EBF2: variants seen among roughly 807,000 people sequenced by gnomAD.
The protein encoded by EBF2 is transcription factor COE2.
A neutral mutation model predicts 72.8 loss-of-function variants in EBF2; 21 were observed. That is an observed-to-expected ratio of 0.29 (90% CI 0.20 to 0.42). The LOEUF (loss-of-function observed/expected upper bound fraction) is 0.42, where lower values mean the gene tolerates loss of function less well. EBF2 is among the 10% of genes least tolerant of loss of function. EBF2 has a pLI of 1.00. For synonymous variants in EBF2, 299 were observed against 274.2 expected, an observed-to-expected ratio of 1.09 and a Z score of -0.89; for missense variants, 637 against 731.2, an observed-to-expected ratio of 0.87 and a Z score of 1.49.
chr8:25,950,498 C>A (rs1393292775), intron 6 of EBF2, among the ~76,000 whole-genome samples: 4 of 152,214 alleles, frequency 2.6e-5, no homozygotes, highest in Non-Finnish European at 5.9e-5. Flanking sequence ...GAGGCAGATA[C>A]CCAGGCCGCC....
Position 25,886,964 on chromosome 8 carries a change from A to G in EBF2, c.883-83T>C, listed in dbSNP as rs542514301. ...CATAAGGTGTACAACATCTCCCACT[A>G]TTGCTCCCCAGGGGCTTCTTTCTCT... On this transcript the variant is annotated intron_variant, in intron 9 of 15. Transcript: ENST00000520164. The G allele has an allele frequency of 4.1e-4, 599 of 1,470,256 alleles. 2 individuals carry two copies. In the African/African-American group the frequency reaches 7.8e-3, roughly 19 times the overall value. 91.1% of individuals were successfully genotyped at this position (1,470,256 alleles called of 1,614,324 possible). A position where few individuals can be genotyped will look rare whatever the true frequency, so the allele number is the denominator to read the frequency against.
intron 7 of EBF2, among the ~76,000 whole-genome samples, chr8:25,892,696 C>T (rs1204814479): frequency 6.6e-6 from 1 of 152,156 alleles, no homozygotes; most frequent in Non-Finnish European, 1.5e-5. Flanking sequence ...ACATCTTGAA[C>T]ATGGTGGTAA....
rs976899336 is a variant in EBF2, at chr8:25,920,849, T to C, written c.552-12294A>G. 1.2e-4 allele frequency among the ~76,000 whole-genome samples: 18 copies of C among 152,084 alleles called. 1 individual carries two copies. The highest frequency in any genetic ancestry group is 1.0e-3 in the Admixed American group (16 of 15,264). On this transcript the variant is annotated intron_variant, in intron 6 of 15. Transcript: ENST00000520164. The stretch of plus-strand genomic sequence containing the variant: ...TGCCTCCTCCTTTCTCACCTATCTT[T>C]GCTCTCTCCCAAGTTTCCAAATTCT...
chr8:25,900,254 G>A (rs561533854), intron 7 of EBF2, among the ~76,000 whole-genome samples: 9 of 152,234 alleles, frequency 5.9e-5, no homozygotes, highest in South Asian at 4.1e-4. Flanking sequence ...CCAGGGGTTC[G>A]AGACCAGCCT....
chr8:25,910,802 G>A (rs1470132170), intron 6 of EBF2, among the ~76,000 whole-genome samples: 1 of 152,098 alleles, frequency 6.6e-6, no homozygotes, highest in African/African-American at 2.4e-5. Context: ...AGGAGAAGGG[G>A]AGGTTAAGTG....
At position 25,844,570 on chromosome 8, in the gene EBF2, AGAGT is replaced by A; in HGVS notation, c.*35_*38del. On this transcript the variant is annotated 3_prime_UTR_variant, in exon 16 of 16. Transcript: ENST00000520164. ...GTGCTTTCTTCATTATTGGTCCATC[AGAGT>A]AAGTAGTTTTGTGCTATAAGAAAGC... 1 of 1,612,136 alleles carries A rather than the reference AGAGT, an allele frequency of 6.2e-7. No individual in the cohort carries two copies. Among genetic ancestry groups the A allele is most frequent in the Non-Finnish European group, 8.5e-7 (1 of 1,178,238 alleles).
intron 7 of EBF2, among the ~76,000 whole-genome samples, chr8:25,906,477 G>C (rs1803034086): frequency 6.6e-6 from 1 of 152,082 alleles, no homozygotes; most frequent in South Asian, 2.1e-4. Flanking sequence ...CTTCATACAA[G>C]AAAGTAGGCC....
At chr8:25,968,276 G>A (rs1300357927) in intron 6 of EBF2, among the ~76,000 whole-genome samples, 1 of 152,104 alleles carries the variant, frequency 6.6e-6, no homozygotes, top group South Asian at 2.1e-4. Flanking sequence ...AATGGTAGAA[G>A]CAACCTGAAG....
At chr8:25,961,575 C>T (rs112926195) in intron 6 of EBF2, among the ~76,000 whole-genome samples, 4 of 152,290 alleles carry the variant, frequency 2.6e-5, no homozygotes, top group Non-Finnish European at 5.9e-5. Flanking sequence ...CTTGGCCAGG[C>T]TGGTCTTGAA....
intron 6 of EBF2, among the ~76,000 whole-genome samples, chr8:25,964,806 T>C (rs751102656): frequency 6.6e-6 from 1 of 152,226 alleles, no homozygotes; most frequent in African/African-American, 2.4e-5. Context: ...GTTCAGTAGA[T>C]AATTGTTGTA....
chr8:25,931,939 T>C (rs1243040338), intron 6 of EBF2, among the ~76,000 whole-genome samples: 2 of 152,208 alleles, frequency 1.3e-5, no homozygotes, highest in Non-Finnish European at 2.9e-5. Context: ...TGCTGCACTA[T>C]TGTTATTACT....
chr8:25,863,596 A>G (rs1802249718), intron 10 of EBF2, among the ~76,000 whole-genome samples: 1 of 152,220 alleles, frequency 6.6e-6, no homozygotes, highest in Non-Finnish European at 1.5e-5. Flanking sequence ...TAAAATTAAT[A>G]CATGATTAAA....
At chr8:26,033,218 A>G (rs1805437322) in intron 5 of EBF2, 65 bp from the exon 6 acceptor site, 2 of 1,501,424 alleles carry the variant, frequency 1.3e-6, no homozygotes, top group East Asian at 2.3e-5. Flanking sequence ...CAATGAGCAC[A>G]TGACAAGAAC....
At chr8:25,972,277 G>A (rs1283847711) in intron 6 of EBF2, among the ~76,000 whole-genome samples, 1 of 152,098 alleles carries the variant, frequency 6.6e-6, no homozygotes, top group African/African-American at 2.4e-5. Flanking sequence ...TACAATCTTG[G>A]TCCACCCATG....
chr8:25,857,791 A>C (rs369551825), intron 14 of EBF2, among the ~76,000 whole-genome samples: 6 of 152,200 alleles, frequency 3.9e-5, no homozygotes, highest in African/African-American at 1.2e-4. Context: ...ACCAGGTTGC[A>C]AAGTCAAAAA....
intron 10 of EBF2, among the ~76,000 whole-genome samples, chr8:25,873,398 G>C (rs1474041617): frequency 6.6e-6 from 1 of 152,202 alleles, no homozygotes; most frequent in Non-Finnish European, 1.5e-5. Flanking sequence ...AGAGGGTGGA[G>C]CTGAAGTCAA....
In EBF2 at chr8:26,033,072, T is replaced by C. The variant is rs1011672034; in HGVS notation, c.551+13A>G. On this transcript the variant is annotated intron_variant, in intron 6 of 15. Coordinates refer to ENST00000520164, the MANE Select transcript of EBF2 (RefSeq NM_022659.4). ...GAACCAAAAATGATTGAAAAATCACTTTTTCCCCCTACCTGTCAATTATGA... is the reference window on the plus strand; with the variant it reads ...GAACCAAAAATGATTGAAAAATCACCTTTTCCCCCTACCTGTCAATTATGA... The C allele has an allele frequency of 6.2e-7, 1 of 1,612,582 alleles. No homozygotes were observed. Among genetic ancestry groups the C allele is most frequent in the African/African-American group, 1.3e-5 (1 of 74,998 alleles).
chr8:25,864,241 G>A (rs1327207138), intron 10 of EBF2, among the ~76,000 whole-genome samples: 1 of 152,134 alleles, frequency 6.6e-6, no homozygotes, highest in Non-Finnish European at 1.5e-5. Context: ...CTCCAGCAAT[G>A]CGTGTGCTCA....
At position 26,040,041 on chromosome 8, in the gene EBF2, C is replaced by T. The variant is rs1805572477; in HGVS notation, c.469G>A (p.Glu157Lys). The T allele has an allele frequency of 6.2e-7, 1 of 1,613,872 alleles. No homozygotes were observed. The highest frequency in any genetic ancestry group is 8.5e-7 in the Non-Finnish European group (1 of 1,179,934). Residue 157 changes from glutamate to lysine, a missense_variant, in exon 5 of 16, where the codon GAA (glutamate) becomes AAA (lysine). Physicochemically the swap from Glu to Lys is moderately conservative, Grantham distance 56 (BLOSUM62 1). This residue lies in a region of EBF2 where 204 missense variants were observed against 301.2 expected (regional missense o/e 0.68). Transcript: ENST00000520164. ...PEMCRVLLTH[E>K]VMCSRCCEKK... Reference sequence around the variant, plus strand: ...GGCGGCTCTTACCTACACATCACTTCGTGCGTCAGGAGAACTCGGCACATT... The same window carrying T: ...GGCGGCTCTTACCTACACATCACTTTGTGCGTCAGGAGAACTCGGCACATT...
Sources: allele counts gnomAD v4.1 joint callset (sites outside exome capture counted in the v4.1 genomes callset), GRCh38; gene constraint gnomAD v4.1.1; regional missense constraint gnomAD v4.1.1; transcripts MANE v1.5; gene names NCBI Gene and HGNC (gene_info 2026-07-23, HGNC 2026-07-21).